The following CAPZB variants were observed in gnomAD, a reference collection of about 807,000 sequenced individuals.
CAPZB encodes the protein capping actin protein of muscle Z-line subunit beta.
Under a neutral mutation model 38.1 loss-of-function variants are expected in CAPZB, and 2 were observed. That is an observed-to-expected ratio of 0.05 (90% CI 0.02 to 0.17). The LOEUF (loss-of-function observed/expected upper bound fraction) is 0.17, where lower values mean the gene tolerates loss of function less well. Ranked by LOEUF, CAPZB falls within the 10% of genes least tolerant of loss-of-function variation. The probability of loss-of-function intolerance (pLI) is 1.00; values close to 1 mark genes in which losing one functional copy is unlikely to be tolerated. For missense variants in CAPZB, 161 were observed against 334.2 expected (o/e 0.48, Z 4.04); for synonymous variants, 107 against 127.4 (o/e 0.84, Z 1.08).
intron 1 of CAPZB, among the ~76,000 whole-genome samples, chr1:19,460,224 A>G (rs1257599066): frequency 1.3e-5 from 2 of 152,226 alleles, no homozygotes; most frequent in African/African-American, 2.4e-5. Flanking sequence ...CTTAGTTAAG[A>G]TGGAAAAGGC....
chr1:19,408,258 A>G (rs2094341960), intron 2 of CAPZB, among the ~76,000 whole-genome samples: 1 of 152,234 alleles, frequency 6.6e-6, no homozygotes, highest in South Asian at 2.1e-4. Context: ...GGCCCTAGGA[A>G]GCCAACAAAG....
chr1:19,342,841 T>C, intron 8 of CAPZB: 6 of 1,608,984 alleles, frequency 3.7e-6, no homozygotes, highest in Non-Finnish European at 5.1e-6. Context: ...AAACTTTTGG[T>C]TGTCAGGGAT....
intron 4 of CAPZB, among the ~76,000 whole-genome samples, chr1:19,373,557 G>GGGAGACGGTAAGTTCTGCTATCTGA (rs1553272064): frequency 6.6e-6 from 1 of 152,176 alleles, no homozygotes; most frequent in Non-Finnish European, 1.5e-5. Flanking sequence ...GGAGCCTCTG[G>GGGAGACGGTAAGTTCTGCTATCTGA]GGAGACGGTA....
intron 4 of CAPZB, among the ~76,000 whole-genome samples, chr1:19,374,809 T>C (rs1283226360): frequency 1.3e-5 from 2 of 152,238 alleles, no homozygotes; most frequent in African/African-American, 4.8e-5. Context: ...TGAACCCATC[T>C]GCCAACCTGA....
chr1:19,354,308 A>G (rs2094008267), intron 6 of CAPZB, among the ~76,000 whole-genome samples: 1 of 152,160 alleles, frequency 6.6e-6, no homozygotes, highest in South Asian at 2.1e-4. Context: ...CCATCCAAAC[A>G]AGCACAGGCG....
chr1:19,419,057 A>T (rs570140282), intron 2 of CAPZB, among the ~76,000 whole-genome samples: 1 of 152,328 alleles, frequency 6.6e-6, no homozygotes, highest in African/African-American at 2.4e-5. Context: ...ATGTTTTTGA[A>T]TATTTTGAGC....
intron 4 of CAPZB, among the ~76,000 whole-genome samples, chr1:19,359,527 C>T (rs2094041602): frequency 6.6e-6 from 1 of 152,210 alleles, no homozygotes; most frequent in Admixed American, 6.5e-5. Flanking sequence ...ATTCCCCTCT[C>T]CGGCACTACC....
chr1:19,452,243 AC>A (rs1021214298), intron 1 of CAPZB, among the ~76,000 whole-genome samples: 2 of 151,006 alleles, frequency 1.3e-5, no homozygotes, highest in South Asian at 2.1e-4. Context: ...CTGGACTGCC[AC>A]CCCCTCAGCT....
chr1:19,377,161 A>G (rs1558200228), intron 4 of CAPZB, among the ~76,000 whole-genome samples: 1 of 152,254 alleles, frequency 6.6e-6, no homozygotes, highest in Non-Finnish European at 1.5e-5. Context: ...AAAAGAAGAT[A>G]GTAAAAAACA....
intron 2 of CAPZB, among the ~76,000 whole-genome samples, chr1:19,411,967 G>C (rs549557686): frequency 1.3e-5 from 2 of 152,288 alleles, no homozygotes; most frequent in Non-Finnish European, 2.9e-5. Context: ...ACGCCAGCTT[G>C]GCACCCACCG....
chr1:19,407,580 C>T (rs1448346439), intron 2 of CAPZB, among the ~76,000 whole-genome samples: 1 of 152,138 alleles, frequency 6.6e-6, no homozygotes, highest in South Asian at 2.1e-4. Flanking sequence ...AGAAAGGATC[C>T]TGAGGACCCA....
chr1:19,342,831 A>C (rs763996585), intron 8 of CAPZB: 2 of 1,611,646 alleles, frequency 1.2e-6, no homozygotes, highest in Non-Finnish European at 8.5e-7. Context: ...GCAACTGCTT[A>C]AACTTTTGGT....
At position 19,357,263 on chromosome 1, in the gene CAPZB, A is replaced by AGTCTT. The variant is rs1553268863; in HGVS notation, c.471+158_471+159insAAGAC. Among the ~76,000 whole-genome samples, 6 of 151,446 alleles carry AGTCTT rather than the reference A, an allele frequency of 4.0e-5. No homozygotes were observed. Among genetic ancestry groups the AGTCTT allele is most frequent in the Admixed American group, 3.3e-4 (5 of 15,218 alleles). On this transcript the variant is annotated intron_variant, in intron 5 of 8. Transcript: ENST00000264202. This position sits in a 1 kb window ranked among gnomAD's most constrained non-coding sequence, Gnocchi z 4.3. Reference sequence around the variant, plus strand: ...GAACTTAATCATCAATGACTACTGCAGACTTATCTTTATCCAAATGGCTTT... The same window carrying AGTCTT: ...GAACTTAATCATCAATGACTACTGCAGTCTTGACTTATCTTTATCCAAATGGCTTT...
chr1:19,357,386 T>G lies in CAPZB; in HGVS notation c.471+36A>C, dbSNP rs1354451015. 2.5e-6 allele frequency: 4 copies of G among 1,609,092 alleles called. No homozygotes were observed. Among genetic ancestry groups the G allele is most frequent in the Non-Finnish European group, 3.4e-6 (4 of 1,176,922 alleles). ...CACTGGTTGGTGTGCCATCTGTACT[T>G]AGTGGCCCGGGCCACCAGCTGCTGG... On this transcript the variant is annotated intron_variant, in intron 5 of 8. Coordinates refer to ENST00000264202, the MANE Select transcript of CAPZB (RefSeq NM_004930.5). The surrounding 1 kb of genome is among the most constrained non-coding windows in gnomAD (Gnocchi z 4.3).
In CAPZB at chr1:19,393,938, A is replaced by C. The variant is rs149854602; in HGVS notation, c.94-8312T>G. On this transcript the variant is annotated intron_variant, in intron 2 of 8. Transcript: ENST00000264202. Reference sequence around the variant, plus strand: ...GCCTGCCAGGGCCACACACAAGAGGACACTTCCAGGTCCAGCCTCTCTCCT... The same window carrying C: ...GCCTGCCAGGGCCACACACAAGAGGCCACTTCCAGGTCCAGCCTCTCTCCT... Among the ~76,000 whole-genome samples the C allele has an allele frequency of 4.0e-3, 608 of 152,372 alleles. 2 individuals are homozygous for C. Among genetic ancestry groups the C allele is most frequent in the African/African-American group, 0.014 (567 of 41,586 alleles).
intron 1 of CAPZB, among the ~76,000 whole-genome samples, chr1:19,431,978 T>C (rs2094443318): frequency 7.7e-6 from 1 of 129,590 alleles, no homozygotes; most frequent in South Asian, 2.6e-4. Flanking sequence ...CTCGGGAGGC[T>C]GGGGCGGAAA....
At chr1:19,417,091 C>G (rs1477114599) in intron 2 of CAPZB, among the ~76,000 whole-genome samples, 5 of 151,976 alleles carry the variant, frequency 3.3e-5, no homozygotes, top group Non-Finnish European at 1.5e-5. Flanking sequence ...CCCTGTTGAG[C>G]CCAGGGAAAA....
At chr1:19,439,537 C>CTG (rs1234740110) in intron 1 of CAPZB, among the ~76,000 whole-genome samples, 3 of 152,212 alleles carry the variant, frequency 2.0e-5, no homozygotes, top group Non-Finnish European at 4.4e-5. Context: ...CCCAGTCAGC[C>CTG]TGTGTCACGC....
chr1:19,373,693 CTT>C (rs67785670), intron 4 of CAPZB, among the ~76,000 whole-genome samples: 1 of 145,414 alleles, frequency 6.9e-6, no homozygotes, highest in Admixed American at 6.9e-5. Flanking sequence ...TTTTAGTTTT[CTT>C]TTTTTTTTTT....
Sources: allele counts gnomAD v4.1 joint callset (sites outside exome capture counted in the v4.1 genomes callset), GRCh38; gene constraint gnomAD v4.1.1; non-coding constraint Gnocchi (gnomAD v3.1); transcripts MANE v1.5; gene names NCBI Gene and HGNC (gene_info 2026-07-23, HGNC 2026-07-21).